ASPH: variants seen among roughly 807,000 people sequenced by gnomAD.
ASPH encodes aspartyl/asparaginyl beta-hydroxylase.
ASPH carries 100 observed loss-of-function variants against 118.4 expected under a neutral mutation model. The ratio of observed to expected loss-of-function variants is 0.84; its 90% CI spans 0.72 to 1.00. The LOEUF (loss-of-function observed/expected upper bound fraction) is 1.00. Ranked by LOEUF, ASPH falls within the 50% of genes least tolerant of loss-of-function variation. ASPH has a pLI of 0.00. For missense variants in ASPH, 920 were observed against 919.5 expected (o/e 1.00, Z -0.01); for synonymous variants, 315 against 325.6 (o/e 0.97, Z 0.35).
intron 1 of ASPH, chr8:61,689,780 C>G: frequency 1.3e-6 from 2 of 1,508,072 alleles, no homozygotes; most frequent in Middle Eastern, 1.8e-4. Flanking sequence ...TTTAGGCACA[C>G]TGCATGCACT....
At chr8:61,506,659 T>G (rs1806697047) in intron 24 of ASPH, among the ~76,000 whole-genome samples, 1 of 152,192 alleles carries the variant, frequency 6.6e-6, no homozygotes, top group African/African-American at 2.4e-5. Flanking sequence ...CATAATTGAT[T>G]CTTTGTGTCT....
chr8:61,645,446 C>T (rs1807438017), intron 6 of ASPH, among the ~76,000 whole-genome samples: 1 of 152,102 alleles, frequency 6.6e-6, no homozygotes, highest in South Asian at 2.1e-4. Context: ...TCTTACTGAG[C>T]CATTTAGGCC....
intron 16 of ASPH, among the ~76,000 whole-genome samples, chr8:61,574,162 CAGTT>C (rs1448019032): frequency 1.3e-5 from 2 of 152,174 alleles, no homozygotes; most frequent in African/African-American, 2.4e-5. Context: ...CATCTCACGC[CAGTT>C]AGAATGGCGA....
intron 14 of ASPH, among the ~76,000 whole-genome samples, chr8:61,616,217 G>A (rs1848967688): frequency 6.6e-6 from 1 of 152,070 alleles, no homozygotes. Flanking sequence ...ACACTTCCCT[G>A]GCAAACCCCC....
intron 1 of ASPH, among the ~76,000 whole-genome samples, chr8:61,711,462 T>C (rs569747881): frequency 2.0e-5 from 3 of 152,314 alleles, no homozygotes; most frequent in African/African-American, 4.8e-5. Context: ...GTTTCTTTTA[T>C]ATTATAAAGA....
At position 61,500,958 on chromosome 8, in the gene ASPH, A is replaced by G. The variant is rs1804785554; in HGVS notation, c.*2401T>C. 1 of 152,172 alleles carries G rather than the reference A, an allele frequency of 6.6e-6. No individual in the cohort carries two copies. Among genetic ancestry groups the G allele is most frequent in the South Asian group, 2.1e-4 (1 of 4,830 alleles). The allele number at this position is 152,172 out of a possible 1,614,324, so 9.4% of individuals were successfully genotyped here. A position where few individuals can be genotyped will look rare whatever the true frequency, so the allele number is the denominator to read the frequency against. ...TATTTATTACATCATCTCTTTCTCAATGGATCTAATGTTTTAATTTTTTCC... is the reference window on the plus strand; with the variant it reads ...TATTTATTACATCATCTCTTTCTCAGTGGATCTAATGTTTTAATTTTTTCC... On this transcript the variant is annotated 3_prime_UTR_variant, in exon 25 of 25. Transcript: ENST00000379454.
intron 18 of ASPH, among the ~76,000 whole-genome samples, chr8:61,561,908 C>T (rs1165825978): frequency 6.6e-6 from 1 of 152,160 alleles, no homozygotes; most frequent in Non-Finnish European, 1.5e-5. Context: ...GTCTGGGCAA[C>T]AGAGTGAGAC....
chr8:61,596,522 G>A (rs1176036490), intron 14 of ASPH, among the ~76,000 whole-genome samples: 7 of 152,200 alleles, frequency 4.6e-5, no homozygotes, highest in Admixed American at 1.3e-4. Context: ...GCCCACAGAC[G>A]GGCATGCCCA....
Position 61,660,871 on chromosome 8 carries a change from G to T in ASPH, c.323-7211C>A, listed in dbSNP as rs535940788. Reference sequence around the variant, plus strand: ...ATTAAATCAATTTTTGTGGACCAGAGTAAAAAAAAAATCTCTGAAGACCAT... The same window carrying T: ...ATTAAATCAATTTTTGTGGACCAGATTAAAAAAAAAATCTCTGAAGACCAT... On this transcript the variant is annotated intron_variant, in intron 3 of 24. Coordinates refer to ENST00000379454, the MANE Select transcript of ASPH (RefSeq NM_004318.4). 4.6e-5 allele frequency: 7 copies of T among 151,822 alleles called. No individual in the cohort carries two copies. In the South Asian group the frequency reaches 1.5e-3, roughly 31 times the overall value. 9.4% of individuals were successfully genotyped at this position (151,822 alleles called of 1,614,324 possible).
At chr8:61,528,230 C>T (rs572728512) in intron 21 of ASPH, among the ~76,000 whole-genome samples, 1 of 152,276 alleles carries the variant, frequency 6.6e-6, no homozygotes, top group South Asian at 2.1e-4. Context: ...CATTCAAAAG[C>T]CCTTACTTTG....
chr8:61,596,371 A>G (rs1842510221), intron 14 of ASPH, among the ~76,000 whole-genome samples: 2 of 152,208 alleles, frequency 1.3e-5, no homozygotes, highest in Non-Finnish European at 2.9e-5. Flanking sequence ...TGCCATGGCC[A>G]ATACCACACA....
At chr8:61,544,681 C>T (rs1161898553) in intron 21 of ASPH, among the ~76,000 whole-genome samples, 3 of 152,074 alleles carry the variant, frequency 2.0e-5, no homozygotes, top group Admixed American at 1.3e-4. Context: ...GAGCTTCTAA[C>T]ATATTTATGA....
chr8:61,620,847 C>A (rs541336729), intron 13 of ASPH, among the ~76,000 whole-genome samples: 1 of 152,266 alleles, frequency 6.6e-6, no homozygotes, highest in East Asian at 1.9e-4. Flanking sequence ...CAGGTGGGTG[C>A]TGGTCATGAA....
chr8:61,550,284 C>T (rs1563782919), intron 20 of ASPH, among the ~76,000 whole-genome samples: 4 of 152,052 alleles, frequency 2.6e-5, no homozygotes, highest in South Asian at 4.2e-4. Context: ...CCTGTCTAAT[C>T]AGCAATTAGG....
At chr8:61,594,893 T>C (rs903965570) in intron 14 of ASPH, among the ~76,000 whole-genome samples, 1 of 152,222 alleles carries the variant, frequency 6.6e-6, no homozygotes, top group Non-Finnish European at 1.5e-5. Context: ...AATTTCAGTA[T>C]TTTTAATCCT....
At chr8:61,665,418 C>T in intron 3 of ASPH, 1 of 1,609,228 alleles carries the variant, frequency 6.2e-7, no homozygotes, top group Non-Finnish European at 8.5e-7. Context: ...TTTTCTAGGT[C>T]CACTTTCTCT....
rs57336628 is a variant in ASPH at position 61,675,537 on chromosome 8, C to A, written c.322+5431G>T. 1,177 of 980,090 alleles carry A rather than the reference C, an allele frequency of 1.2e-3. 11 individuals are homozygous for A. The African/African-American group carries it at 0.019, about 16-fold the overall frequency. The allele number at this position is 980,090 out of a possible 1,614,324, so 60.7% of individuals were successfully genotyped here. A position where few individuals can be genotyped will look rare whatever the true frequency, so the allele number is the denominator to read the frequency against. On this transcript the variant is annotated intron_variant, in intron 3 of 24. Transcript: ENST00000379454. ...AATTTTACATAGAAATTTGTATGAA[C>A]CTATCTGACAAACCTAAACAAATTA... is the stretch of plus-strand genomic sequence containing the variant.
chr8:61,704,090 G>T (rs1445449625), intron 1 of ASPH, among the ~76,000 whole-genome samples: 5 of 148,678 alleles, frequency 3.4e-5, no homozygotes, highest in Admixed American at 3.4e-4. Context: ...AGCTACTTGG[G>T]AGGCTGAGGC....
intron 3 of ASPH, among the ~76,000 whole-genome samples, chr8:61,671,424 GA>G (rs1288730578): frequency 6.6e-6 from 1 of 152,142 alleles, no homozygotes; most frequent in Non-Finnish European, 1.5e-5. Flanking sequence ...CAAGTAGTAG[GA>G]AGAAAATTCT....
Sources: allele counts gnomAD v4.1 joint callset (sites outside exome capture counted in the v4.1 genomes callset), GRCh38; gene constraint gnomAD v4.1.1; transcripts MANE v1.5; gene names NCBI Gene and HGNC (gene_info 2026-07-23, HGNC 2026-07-21).